The following N4BP3 variants were observed in gnomAD, a reference collection of about 807,000 sequenced individuals.
N4BP3 encodes NEDD4-binding protein 3.
N4BP3 carries 33 observed loss-of-function variants against 43.8 expected under a neutral mutation model. The observed-to-expected ratio is 0.75, with a 90% confidence interval of 0.57 to 1.01. The LOEUF is 1.01. Ranked by LOEUF, N4BP3 falls within the 50% of genes least tolerant of loss-of-function variation. The pLI is 0.00. For synonymous variants in N4BP3, 326 were observed against 321.9 expected (o/e 1.01, Z -0.14); for missense variants, 756 against 744.2 (o/e 1.02, Z -0.18).
chr5:178,115,155 T>G (rs1380942419), intron 1 of N4BP3, among the ~76,000 whole-genome samples: 1 of 152,006 alleles, frequency 6.6e-6, no homozygotes, highest in African/African-American at 2.4e-5. Flanking sequence ...GGAGATGAAA[T>G]GAGATAATGA....
In N4BP3 at chr5:178,120,716, C is replaced by T; in HGVS notation, c.852+17C>T. The T allele has an allele frequency of 1.3e-6, 2 of 1,561,886 alleles. No individual in the cohort carries two copies. The highest frequency in any genetic ancestry group is 1.7e-6 in the Non-Finnish European group (2 of 1,159,226). On this transcript the variant is annotated intron_variant, in intron 3 of 4. Transcript: ENST00000274605. The stretch of plus-strand genomic sequence containing the variant: ...TTCACGCAGGTGAGGGAGCCCCTGC[C>T]CTGGAGTCCTGTTCTGTGCCTCAGC...
At chr5:178,116,363 C>T (rs1336986473) in intron 1 of N4BP3, among the ~76,000 whole-genome samples, 2 of 137,238 alleles carry the variant, frequency 1.5e-5, no homozygotes, top group Non-Finnish European at 3.1e-5. Context: ...TGGGGGCCCC[C>T]GCCCTGCTGG....
downstream of N4BP3, among the ~76,000 whole-genome samples, chr5:178,126,529 G>A (rs1219986246): frequency 2.0e-5 from 3 of 152,170 alleles, no homozygotes; most frequent in Non-Finnish European, 2.9e-5. Context: ...TAGGAAATTG[G>A]TGGTGGGGCT....
At chr5:178,115,286 G>A (rs1457371018) in intron 1 of N4BP3, among the ~76,000 whole-genome samples, 3 of 152,206 alleles carry the variant, frequency 2.0e-5, no homozygotes, top group African/African-American at 7.2e-5. Flanking sequence ...CTGTCACAGA[G>A]GGGATGGGGT....
downstream of N4BP3, among the ~76,000 whole-genome samples, chr5:178,126,467 G>A (rs961547191): frequency 1.2e-4 from 18 of 151,568 alleles, no homozygotes; most frequent in Admixed American, 1.1e-3. Context: ...CGTGGGCCAC[G>A]GCGCTTGGCC....
rs1381614905 is a variant in N4BP3 at position 178,124,563 on chromosome 5, A to G, written c.*2562A>G. The G allele has an allele frequency of 1.3e-5, 2 of 152,442 alleles. No homozygotes were observed. The highest frequency in any genetic ancestry group is 4.8e-5 in the African/African-American group (2 of 41,424). 9.4% of individuals were successfully genotyped at this position (152,442 alleles called of 1,614,324 possible). A position where few individuals can be genotyped will look rare whatever the true frequency, so the allele number is the denominator to read the frequency against. ...TTAGCCTTCCCTGCAGCCCCTCCCC[A>G]ACAGGCTTGGTCCGGGCAGCCTGCT... On this transcript the variant is annotated 3_prime_UTR_variant, in exon 5 of 5. Coordinates refer to ENST00000274605, the MANE Select transcript of N4BP3 (RefSeq NM_015111.2).
In N4BP3 at chr5:178,120,337, GCCAGCCAGGCCCGGGCACAGCT is replaced by G. The variant is rs1018047951; in HGVS notation, c.491_512del (p.Ala164GlyfsTer7). The G allele has an allele frequency of 3.7e-6, 6 of 1,607,138 alleles. No individual in the cohort carries two copies. The highest frequency in any genetic ancestry group is 5.1e-6 in the Non-Finnish European group (6 of 1,176,050). Reference sequence around the variant, plus strand: ...CCCGCCCCTGAGCCCCGGGCCCCGGGCCAGCCAGGCCCGGGCACAGCTGCTGCACGCCCTCAGCCTAGATGAG... The same window carrying G: ...CCCGCCCCTGAGCCCCGGGCCCCGGGGCTGCACGCCCTCAGCCTAGATGAG... On this transcript the variant is annotated frameshift_variant, in exon 3 of 5. Transcript: ENST00000274605. LOFTEE classifies it high-confidence loss of function.
chr5:178,114,829 G>T (rs1305247973), intron 1 of N4BP3, among the ~76,000 whole-genome samples: 1 of 152,256 alleles, frequency 6.6e-6, no homozygotes, highest in African/African-American at 2.4e-5. Flanking sequence ...CTGGGGGGCA[G>T]CAGGAGGGAT....
intron 2 of N4BP3, 51 bp from the exon 3 acceptor site, chr5:178,120,127 G>A: frequency 6.6e-7 from 1 of 1,521,414 alleles, no homozygotes; most frequent in Non-Finnish European, 8.8e-7. Flanking sequence ...AGGTAGAGCA[G>A]GCAGCTGCCC....
At position 178,120,340 on chromosome 5, in the gene N4BP3, A is replaced by T. The variant is rs781371299; in HGVS notation, c.493A>T (p.Ser165Cys). ...HPPLSPGPRA[S>C]QARAQLLHAL... ...GCCCCTGAGCCCCGGGCCCCGGGCCAGCCAGGCCCGGGCACAGCTGCTGCA... is the reference window on the plus strand; with the variant it reads ...GCCCCTGAGCCCCGGGCCCCGGGCCTGCCAGGCCCGGGCACAGCTGCTGCA... Residue 165 changes from serine (S) to cysteine (C), a missense_variant, in exon 3 of 5, where the codon AGC becomes TGC. Coordinates refer to ENST00000274605, the MANE Select transcript of N4BP3 (RefSeq NM_015111.2). 5.0e-6 allele frequency: 8 copies of T among 1,607,182 alleles called. No individual in the cohort carries two copies. The South Asian group carries it at 8.8e-5, about 18-fold the overall frequency.
chr5:178,117,563 G>A (rs1028052839), intron 1 of N4BP3, among the ~76,000 whole-genome samples: 4 of 144,012 alleles, frequency 2.8e-5, no homozygotes, highest in East Asian at 4.1e-4. Flanking sequence ...GTGGGCCATG[G>A]TTGCACTACT....
chr5:178,126,399 C>T (rs1008477591), downstream of N4BP3, among the ~76,000 whole-genome samples: 1 of 152,018 alleles, frequency 6.6e-6, no homozygotes, highest in South Asian at 2.1e-4. Context: ...AGGATGGTCT[C>T]GATCTCCTAA....
In N4BP3 at chr5:178,119,694, G is replaced by C; in HGVS notation, c.111G>C (p.Arg37=). 2 of 1,612,334 alleles carry C rather than the reference G, an allele frequency of 1.2e-6. No homozygotes were observed. The highest frequency in any genetic ancestry group is 2.2e-5 in the South Asian group (2 of 91,022). The part of the protein sequence containing the change: ...EELRAALAGS[R]GSRQPDGLLR... ...TGCGGGCGGCACTTGCCGGGTCTCG[G>C]GGCTCCCGCCAGCCTGATGGGCTCC... The change falls in exon 2 of 5, where the codon CGG becomes CGC. Residue 37 remains arginine, a synonymous_variant. Coordinates refer to ENST00000274605, the MANE Select transcript of N4BP3 (RefSeq NM_015111.2).
rs1758029298 is a variant in N4BP3, at chr5:178,125,159, C to G, written c.*3158C>G. 1 of 152,394 alleles carries G rather than the reference C, an allele frequency of 6.6e-6. No homozygotes were observed. The highest frequency in any genetic ancestry group is 2.1e-4 in the South Asian group (1 of 4,832). 9.4% of individuals were successfully genotyped at this position (152,394 alleles called of 1,614,324 possible). On this transcript the variant is annotated 3_prime_UTR_variant, in exon 5 of 5. Coordinates refer to ENST00000274605, the MANE Select transcript of N4BP3 (RefSeq NM_015111.2). ...GCACAGGGACTCCAGGGGCAGCTGC[C>G]ATTCGTTCCAGTGATGTATTTGGGG...
chr5:178,119,583 C>G lies in N4BP3; in HGVS notation c.-1C>G. 4 of 1,528,054 alleles carry G rather than the reference C, an allele frequency of 2.6e-6. No homozygotes were observed. Among genetic ancestry groups the G allele is most frequent in the Non-Finnish European group, 3.5e-6 (4 of 1,139,080 alleles). 94.7% of individuals were successfully genotyped at this position (1,528,054 alleles called of 1,614,324 possible). On this transcript the variant is annotated 5_prime_UTR_variant, in exon 2 of 5. Coordinates refer to ENST00000274605, the MANE Select transcript of N4BP3 (RefSeq NM_015111.2). The stretch of plus-strand genomic sequence containing the variant: ...AGCTGCCTGTACCCTGTTGAAACTT[C>G]ATGGCCACAGCCCCAGGCCCTGCTG...
Position 178,121,156 on chromosome 5 carries a change from G to A in N4BP3, c.911G>A (p.Arg304Gln), listed in dbSNP as rs764049092. 3 of 1,600,410 alleles carry A rather than the reference G, an allele frequency of 1.9e-6. No individual in the cohort carries two copies. The highest frequency in any genetic ancestry group is 1.1e-5 in the South Asian group (1 of 90,406). The change falls in exon 4 of 5, where the codon CGG (arginine) becomes CAG (glutamine). Residue 304 changes from arginine to glutamine, a missense_variant. Arg to Gln is a conservative substitution (Grantham distance 43). Coordinates refer to ENST00000274605, the MANE Select transcript of N4BP3 (RefSeq NM_015111.2). ...LAELKRLYVE[R>Q]LHEVTQKAER... ...GAGCTGAAGCGCCTGTATGTGGAGC[G>A]GCTGCACGAGGTGACCCAGAAGGCT...
chr5:178,121,467 C>A lies in N4BP3; in HGVS notation c.1108-7C>A. 1 of 1,613,896 alleles carries A rather than the reference C, an allele frequency of 6.2e-7. No individual in the cohort carries two copies. Among genetic ancestry groups the A allele is most frequent in the Non-Finnish European group, 8.5e-7 (1 of 1,179,978 alleles). ...CCTACTTTGCTTGCGTCCTCCCCAT[C>A]CCCCAGGTGTGCCAGAAGACAGCAG... On this transcript the variant is annotated splice_region_variant and splice_polypyrimidine_tract_variant and intron_variant, in intron 4 of 4. Coordinates refer to ENST00000274605, the MANE Select transcript of N4BP3 (RefSeq NM_015111.2).
chr5:178,121,564 A>G lies in N4BP3; in HGVS notation c.1198A>G (p.Ser400Gly). The G allele has an allele frequency of 6.2e-7, 1 of 1,613,690 alleles. No homozygotes were observed. Among genetic ancestry groups the G allele is most frequent in the Non-Finnish European group, 8.5e-7 (1 of 1,180,014 alleles). ...ELAQKLAEIF[S>G]LKTQLRGSRA... Reference sequence around the variant, plus strand: ...GGCCCAGAAGCTGGCGGAGATCTTCAGTCTGAAGACACAACTTCGGGGCAG... The same window carrying G: ...GGCCCAGAAGCTGGCGGAGATCTTCGGTCTGAAGACACAACTTCGGGGCAG... Residue 400 changes from serine to glycine, a missense_variant, in exon 5 of 5, where the codon AGT becomes GGT. Ser to Gly is a moderately conservative substitution (Grantham distance 56). Coordinates refer to ENST00000274605, the MANE Select transcript of N4BP3 (RefSeq NM_015111.2).
rs1757922114 is a variant in N4BP3 at position 178,121,483 on chromosome 5, A to G, written c.1117A>G (p.Lys373Glu). 1 of 1,613,736 alleles carries G rather than the reference A, an allele frequency of 6.2e-7. No individual in the cohort carries two copies. The highest frequency in any genetic ancestry group is 1.3e-5 in the African/African-American group (1 of 74,902). ...EEEARWEVCQKTAEISLLKQQ... is the reference protein window; with the variant it reads ...EEEARWEVCQETAEISLLKQQ... ...CCTCCCCATCCCCCAGGTGTGCCAGAAGACAGCAGAGATTAGCCTCTTGAA... is the reference window on the plus strand; with the variant it reads ...CCTCCCCATCCCCCAGGTGTGCCAGGAGACAGCAGAGATTAGCCTCTTGAA... Residue 373 changes from lysine to glutamate, a missense_variant, in exon 5 of 5, where the codon AAG (lysine) becomes GAG (glutamate). Transcript: ENST00000274605.
Sources: allele counts gnomAD v4.1 joint callset (sites outside exome capture counted in the v4.1 genomes callset), GRCh38; gene constraint gnomAD v4.1.1; transcripts MANE v1.5; gene names NCBI Gene and HGNC (gene_info 2026-07-23, HGNC 2026-07-21).